Variants in TPO observed in about 807,000 individuals in gnomAD.
The protein encoded by TPO is thyroid peroxidase.
Under a neutral mutation model 96.9 loss-of-function variants are expected in TPO, and 78 were observed. That is an observed-to-expected ratio of 0.81 (90% CI 0.67 to 0.97). The LOEUF (loss-of-function observed/expected upper bound fraction) is 0.97, where lower values mean the gene tolerates loss of function less well. Ranked by LOEUF, TPO falls within the 50% of genes least tolerant of loss-of-function variation. The probability of loss-of-function intolerance (pLI) is 0.00; values close to 1 mark genes in which losing one functional copy is unlikely to be tolerated. For missense variants in TPO, 1,252 were observed against 1,274.8 expected, an observed-to-expected ratio of 0.98 and a Z score of 0.27; for synonymous variants, 547 against 538.0, an observed-to-expected ratio of 1.02 and a Z score of -0.23.
intron 5 of TPO, among the ~76,000 whole-genome samples, chr2:1,452,485 A>G (rs1667395723): frequency 6.6e-6 from 1 of 152,218 alleles, no homozygotes; most frequent in Non-Finnish European, 1.5e-5. Context: ...CGGTTGCCCT[A>G]CATACTATAG....
At chr2:1,531,454 CT>C (rs1332500407) in intron 15 of TPO, among the ~76,000 whole-genome samples, 2 of 63,328 alleles carry the variant, frequency 3.2e-5, no homozygotes, top group Non-Finnish European at 5.2e-5. Context: ...CCCCAAATCC[CT>C]CCCACTGTGT....
chr2:1,537,526 C>T (rs1318255204), intron 15 of TPO, among the ~76,000 whole-genome samples: 52 of 75,676 alleles, frequency 6.9e-4, no homozygotes, highest in Non-Finnish European at 1.2e-3. Flanking sequence ...GTGCAACCTC[C>T]GCCTATCCCC....
In TPO at chr2:1,456,754, G is replaced by A. The variant is rs1238772692; in HGVS notation, c.819+472G>A. ...CATGTATGATAGTGTGTGGGCAGAT[G>A]TGTACATAGCATGTATGATACTGTG... On this transcript the variant is annotated intron_variant, in intron 7 of 16. Coordinates refer to ENST00000329066, the MANE Select transcript of TPO (RefSeq NM_001206744.2). Among the ~76,000 whole-genome samples, 2 of 15,894 alleles carry A rather than the reference G, an allele frequency of 1.3e-4. 1 individual carries two copies. The highest frequency in any genetic ancestry group is 3.3e-4 in the African/African-American group (2 of 6,082). 10.4% of individuals were successfully genotyped at this position (15,894 alleles called of 152,430 possible). A position where few individuals can be genotyped will look rare whatever the true frequency, so the allele number is the denominator to read the frequency against.
chr2:1,523,337 G>A (rs541344902), intron 15 of TPO, among the ~76,000 whole-genome samples: 33 of 86,862 alleles, frequency 3.8e-4, no homozygotes, highest in African/African-American at 1.3e-3. Context: ...CCCCCACTGT[G>A]TGCAACTTCC....
chr2:1,525,067 G>C (rs1397279743), intron 15 of TPO, among the ~76,000 whole-genome samples: 1 of 70,308 alleles, frequency 1.4e-5, no homozygotes, highest in Non-Finnish European at 2.6e-5. Context: ...CCCACTGTGT[G>C]CAACCCCCCC....
chr2:1,456,147 C>T lies in TPO; in HGVS notation c.684C>T (p.Asp228=). The T allele has an allele frequency of 6.2e-7, 1 of 1,614,088 alleles. No individual in the cohort carries two copies. The highest frequency in any genetic ancestry group is 8.5e-7 in the Non-Finnish European group (1 of 1,180,042). ...TCACAGATGATGACCGCTATTCTGA[C>T]CTCCTGATGGCATGGGGACAATACA... ...EVVTDDDRYS[D]LLMAWGQYID... Residue 228 remains aspartate, a synonymous_variant, in exon 7 of 17, where the codon GAC becomes GAT. Coordinates refer to ENST00000329066, the MANE Select transcript of TPO (RefSeq NM_001206744.2).
chr2:1,525,525 C>T (rs1247157627), intron 15 of TPO, among the ~76,000 whole-genome samples: 2 of 112,564 alleles, frequency 1.8e-5, no homozygotes, highest in African/African-American at 3.5e-5. Context: ...CTCCTCAAAT[C>T]CCCCCACTGT....
At chr2:1,389,674 G>A (rs1661966090) in intron 1 of TPO, among the ~76,000 whole-genome samples, 1 of 152,052 alleles carries the variant, frequency 6.6e-6, no homozygotes, top group African/African-American at 2.4e-5. Flanking sequence ...TGTCCCCAGA[G>A]CCACTCCTGC....
At chr2:1,445,247 T>C (rs1666661564) in intron 5 of TPO, among the ~76,000 whole-genome samples, 1 of 138,672 alleles carries the variant, frequency 7.2e-6, no homozygotes, top group Non-Finnish European at 1.6e-5. Context: ...GCAGGCTCCT[T>C]CTTGTTTGTA....
intron 5 of TPO, among the ~76,000 whole-genome samples, chr2:1,447,838 T>G (rs532141746): frequency 2.3e-4 from 35 of 152,298 alleles, no homozygotes; most frequent in Admixed American, 2.2e-3. Flanking sequence ...TAGCCACATG[T>G]GTGTGGGCGA....
intron 10 of TPO, among the ~76,000 whole-genome samples, chr2:1,493,597 C>T (rs375548390): frequency 6.6e-4 from 97 of 147,280 alleles, no homozygotes; most frequent in Non-Finnish European, 5.5e-4. Context: ...GGCAAACTGC[C>T]GGGCAGTGTC....
At chr2:1,449,767 A>G (rs1187011692) in intron 5 of TPO, among the ~76,000 whole-genome samples, 3 of 152,222 alleles carry the variant, frequency 2.0e-5, no homozygotes, top group Non-Finnish European at 2.9e-5. Context: ...ATGCCAGAAT[A>G]AACAAGATTT....
At chr2:1,460,278 T>G (rs1668300625) in intron 7 of TPO, among the ~76,000 whole-genome samples, 1 of 152,174 alleles carries the variant, frequency 6.6e-6, no homozygotes, top group African/African-American at 2.4e-5. Flanking sequence ...AGTTCTCATC[T>G]GTTAACATTA....
chr2:1,483,979 C>CAA (rs1670880467), intron 8 of TPO, among the ~76,000 whole-genome samples: 1 of 152,174 alleles, frequency 6.6e-6, no homozygotes, highest in Non-Finnish European at 1.5e-5. Flanking sequence ...TCCTATTATG[C>CAA]TTCATTTGGA....
At chr2:1,462,743 C>T (rs1668563964) in intron 7 of TPO, among the ~76,000 whole-genome samples, 1 of 152,206 alleles carries the variant, frequency 6.6e-6, no homozygotes, top group South Asian at 2.1e-4. Context: ...GGCCCATTCA[C>T]AGCACCACAA....
intron 15 of TPO, among the ~76,000 whole-genome samples, chr2:1,528,057 G>A (rs1203381176): frequency 7.4e-6 from 1 of 135,868 alleles, no homozygotes; most frequent in Non-Finnish European, 1.5e-5. Flanking sequence ...TCTCCCCACT[G>A]TGTGCAACCC....
At chr2:1,526,375 C>G (rs1168542264) in intron 15 of TPO, among the ~76,000 whole-genome samples, 1 of 85,080 alleles carries the variant, frequency 1.2e-5, no homozygotes, top group Admixed American at 1.5e-4. Flanking sequence ...TGTGCAACCC[C>G]CCAAATGCCC....
intron 3 of TPO, 64 bp from the exon 4 acceptor site, chr2:1,433,374 G>T: frequency 6.4e-7 from 1 of 1,569,664 alleles, no homozygotes; most frequent in African/African-American, 1.4e-5. Context: ...TAATTAATTA[G>T]TAATTAAGTA....
At chr2:1,428,773 G>A (rs1356940899) in intron 3 of TPO, among the ~76,000 whole-genome samples, 3 of 152,168 alleles carry the variant, frequency 2.0e-5, no homozygotes, top group Admixed American at 2.0e-4. Context: ...TTAGATAAAT[G>A]TCTCCAAGGA....
Sources: gnomAD v4.1 joint callset for allele counts (sites outside exome capture counted in the v4.1 genomes callset) on GRCh38, gnomAD v4.1.1 for gene constraint, MANE v1.5 for transcripts, NCBI Gene and HGNC (gene_info 2026-07-23, HGNC 2026-07-21) for gene names.